POU2F3: variants seen among roughly 807,000 people sequenced by gnomAD.
POU2F3 encodes POU class 2 homeobox 3.
A neutral mutation model predicts 59.2 loss-of-function variants in POU2F3; 23 were observed. That is an observed-to-expected ratio of 0.39 (90% CI 0.28 to 0.55). POU2F3 has a LOEUF of 0.55. POU2F3 is among the 20% of genes least tolerant of loss of function. POU2F3 has a pLI of 0.66. For missense variants in POU2F3, 473 were observed against 544.5 expected (o/e 0.87, Z 1.31); for synonymous variants, 190 against 214.6 (o/e 0.89, Z 1.00).
Position 120,298,280 on chromosome 11 carries a change from C to G in POU2F3, c.148C>G (p.Leu50Val). The G allele has an allele frequency of 1.2e-6, 2 of 1,612,954 alleles. No homozygotes were observed. Among genetic ancestry groups the G allele is most frequent in the Non-Finnish European group, 1.7e-6 (2 of 1,179,552 alleles). The change falls in exon 4 of 13, where the codon CTC becomes GTC. Residue 50 changes from leucine to valine, a missense_variant. By Grantham distance (32) the Leu-to-Val change is conservative (BLOSUM62 1). Transcript: ENST00000543440. ...CCACTTGCAGATTAAAACCGAAGATCTCAGTGACTCCCTGCAGCAGACCCT... is the reference window on the plus strand; with the variant it reads ...CCACTTGCAGATTAAAACCGAAGATGTCAGTGACTCCCTGCAGCAGACCCT... Reference protein sequence around the residue: ...DFNRQIKTEDLSDSLQQTLSH... With the variant: ...DFNRQIKTEDVSDSLQQTLSH...
chr11:120,277,010 A>G (rs1419986161), intron 3 of POU2F3, among the ~76,000 whole-genome samples: 1 of 152,166 alleles, frequency 6.6e-6, no homozygotes, highest in Non-Finnish European at 1.5e-5. Flanking sequence ...CAAAATTACA[A>G]AAATATGCAT....
chr11:120,300,056 T>C (rs1425259018), intron 5 of POU2F3, among the ~76,000 whole-genome samples: 1 of 152,132 alleles, frequency 6.6e-6, no homozygotes, highest in African/African-American at 2.4e-5. Flanking sequence ...GGAAATGCAG[T>C]ACAGACAAGT....
intron 3 of POU2F3, among the ~76,000 whole-genome samples, chr11:120,270,493 AG>A (rs1466570734): frequency 6.6e-6 from 1 of 152,208 alleles, no homozygotes; most frequent in Admixed American, 6.5e-5. Flanking sequence ...AAGGATGAGT[AG>A]GAAGTTTTAG....
chr11:120,236,647 C>G (rs779234110), upstream of POU2F3: 20 of 1,478,366 alleles, frequency 1.4e-5, no homozygotes, highest in Non-Finnish European at 1.7e-5. Flanking sequence ...TATCTCACTC[C>G]AGCCCAGAGC....
chr11:120,311,869 T>G (rs35238955), intron 10 of POU2F3, among the ~76,000 whole-genome samples: 99,032 of 151,860 alleles, frequency 0.65, 32,707 homozygotes, highest in Admixed American at 0.71. Context: ...AAAGGAAGAG[T>G]ATCAGGAAAG....
rs139639608 is a variant in POU2F3, at chr11:120,313,710, A to G, written c.1069-1651A>G. ...GGCCGCACTGACCAAATACATTATC[A>G]CTTATTTAAAAACAACAACAAAGCC... On this transcript the variant is annotated intron_variant, in intron 10 of 12. Coordinates refer to ENST00000543440, the MANE Select transcript of POU2F3 (RefSeq NM_014352.4). 2.0e-5 allele frequency among the ~76,000 whole-genome samples: 3 copies of G among 152,264 alleles called. No homozygotes were observed. The South Asian group carries it at 6.2e-4, about 32-fold the overall frequency.
At chr11:120,278,770 G>A (rs1160889388) in intron 3 of POU2F3, among the ~76,000 whole-genome samples, 2 of 152,148 alleles carry the variant, frequency 1.3e-5, no homozygotes, top group Non-Finnish European at 2.9e-5. Context: ...GTCAGGGGGT[G>A]GAGGGCAAGG....
upstream of POU2F3, among the ~76,000 whole-genome samples, chr11:120,237,815 G>T (rs1462161991): frequency 6.6e-6 from 1 of 152,114 alleles, no homozygotes; most frequent in Non-Finnish European, 1.5e-5. Flanking sequence ...GAGAAGAAAA[G>T]GCCAGAAGGG....
At chr11:120,280,585 C>T (rs1396154084) in intron 3 of POU2F3, among the ~76,000 whole-genome samples, 1 of 151,966 alleles carries the variant, frequency 6.6e-6, no homozygotes, top group African/African-American at 2.4e-5. Context: ...TCTACCATAC[C>T]AGGCTGCTTT....
rs570869968 is a variant in POU2F3 at position 120,277,090 on chromosome 11, AT to A, written c.132+7847del. ...ACTAAAAATACAAAAATACAAAAAA[AT>A]ATTAAAAATACAAAATACAAAAAAA... On this transcript the variant is annotated intron_variant, in intron 3 of 12. Coordinates refer to ENST00000543440, the MANE Select transcript of POU2F3 (RefSeq NM_014352.4). Among the ~76,000 whole-genome samples, 426 of 152,268 alleles carry A rather than the reference AT, an allele frequency of 2.8e-3. 2 individuals are homozygous for A. The highest frequency in any genetic ancestry group is 3.6e-3 in the Non-Finnish European group (247 of 68,018).
rs1183926591 is a variant in POU2F3 at position 120,285,566 on chromosome 11, C to T, written c.133-12699C>T. ...ATATACTTAATACATGAATACTTTCCGGTTATAAAAAAATTTCATAATAAA... is the reference window on the plus strand; with the variant it reads ...ATATACTTAATACATGAATACTTTCTGGTTATAAAAAAATTTCATAATAAA... On this transcript the variant is annotated intron_variant, in intron 3 of 12. Transcript: ENST00000543440. The surrounding 1 kb of genome is among the most constrained non-coding windows in gnomAD (Gnocchi z 4.3). Among the ~76,000 whole-genome samples the T allele has an allele frequency of 2.0e-5, 3 of 152,072 alleles. No homozygotes were observed. Among genetic ancestry groups the T allele is most frequent in the South Asian group, 4.2e-4 (2 of 4,810 alleles).
At chr11:120,262,626 T>A (rs1939646234) in intron 2 of POU2F3, among the ~76,000 whole-genome samples, 1 of 152,258 alleles carries the variant, frequency 6.6e-6, no homozygotes, top group African/African-American at 2.4e-5. Context: ...TATCTTAAAA[T>A]ATGCACACGC....
chr11:120,290,032 G>T (rs936039452), intron 3 of POU2F3, among the ~76,000 whole-genome samples: 2 of 152,154 alleles, frequency 1.3e-5, no homozygotes, highest in African/African-American at 2.4e-5. Flanking sequence ...CCTTTATAGG[G>T]CAGGAAACTG....
chr11:120,275,778 G>A (rs1201077405), intron 3 of POU2F3, among the ~76,000 whole-genome samples: 1 of 152,134 alleles, frequency 6.6e-6, no homozygotes, highest in Non-Finnish European at 1.5e-5. Context: ...TGCACCAATG[G>A]CTCTCCCATG....
intron 3 of POU2F3, among the ~76,000 whole-genome samples, chr11:120,270,032 G>A (rs1239922657): frequency 1.3e-5 from 2 of 152,086 alleles, no homozygotes; most frequent in African/African-American, 4.8e-5. Context: ...AGCAATAATG[G>A]GGAGTCCTAG....
intron 1 of POU2F3, among the ~76,000 whole-genome samples, chr11:120,243,403 A>G (rs1938750919): frequency 6.6e-6 from 1 of 151,988 alleles, no homozygotes; most frequent in Non-Finnish European, 1.5e-5. Context: ...CCTGGGGTTC[A>G]CAGATGTCTA....
chr11:120,305,601 G>A (rs12790634), intron 7 of POU2F3, 43 bp from the exon 8 acceptor site: 497,700 of 1,603,982 alleles, frequency 0.31, 81,321 homozygotes, highest in Middle Eastern at 0.37. Context: ...ACAAGAGGAG[G>A]AGGCTGCCTC....
chr11:120,261,613 C>T (rs866056525), intron 2 of POU2F3, among the ~76,000 whole-genome samples: 1 of 152,212 alleles, frequency 6.6e-6, no homozygotes, highest in Non-Finnish European at 1.5e-5. Flanking sequence ...CCCTACCCCT[C>T]CCTTCTGTGT....
chr11:120,274,288 T>C (rs1940230400), intron 3 of POU2F3, among the ~76,000 whole-genome samples: 1 of 152,130 alleles, frequency 6.6e-6, no homozygotes, highest in Admixed American at 6.5e-5. Context: ...GTGGGGAGAA[T>C]AGTGATATCT....
Sources: gnomAD v4.1 joint callset for allele counts (sites outside exome capture counted in the v4.1 genomes callset) on GRCh38, gnomAD v4.1.1 for gene constraint, Gnocchi (gnomAD v3.1) non-coding constraint, MANE v1.5 for transcripts, NCBI Gene and HGNC (gene_info 2026-07-23, HGNC 2026-07-21) for gene names.